Variants in CFAP95 observed in about 807,000 individuals in gnomAD.
CFAP95 encodes the protein cilia and flagella associated protein 95, also known as cilia- and flagella-associated protein 95.
At chr9:69,821,066 G>T in the CFAP95 span, 1 of 1,604,512 alleles carries the variant, frequency 6.2e-7, no homozygotes. Context: ...CCCGGGTGCT[G>T]CGGGGAGGAA....
At chr9:69,833,693 A>G in the CFAP95 span, among the ~76,000 whole-genome samples, 1 of 152,074 alleles carries the variant, frequency 6.6e-6, no homozygotes, top group Non-Finnish European at 1.5e-5. Flanking sequence ...GCCCTTGTAC[A>G]TGTTATAATC....
the CFAP95 span, among the ~76,000 whole-genome samples, chr9:69,874,035 G>A: frequency 6.6e-6 from 1 of 152,108 alleles, no homozygotes; most frequent in African/African-American, 2.4e-5. Context: ...ACAAAAGAGG[G>A]CACGTGTAGC....
the CFAP95 span, among the ~76,000 whole-genome samples, chr9:69,873,127 G>A: frequency 2.0e-5 from 3 of 152,126 alleles, no homozygotes; most frequent in Non-Finnish European, 4.4e-5. Context: ...CAATCAGTAG[G>A]TCTTCCTACA....
At chr9:69,834,960 T>C in the CFAP95 span, among the ~76,000 whole-genome samples, 1 of 152,264 alleles carries the variant, frequency 6.6e-6, no homozygotes, top group Admixed American at 6.5e-5. Context: ...CAAATAACAC[T>C]GCCTTGGCAT....
the CFAP95 span, among the ~76,000 whole-genome samples, chr9:69,854,516 T>G: frequency 6.6e-6 from 1 of 152,254 alleles, no homozygotes; most frequent in Non-Finnish European, 1.5e-5. Context: ...TCTAGCTGAT[T>G]TGCCTGGGCA....
the CFAP95 span, among the ~76,000 whole-genome samples, chr9:69,840,116 A>G: frequency 1.3e-5 from 2 of 151,494 alleles, no homozygotes; most frequent in Non-Finnish European, 2.9e-5. Context: ...CTTACTGGGG[A>G]CTGTAGTTGA....
At chr9:69,846,087 T>C in the CFAP95 span, among the ~76,000 whole-genome samples, 16 of 152,326 alleles carry the variant, frequency 1.1e-4, no homozygotes, top group South Asian at 3.1e-3. Flanking sequence ...ACTTAGAGAC[T>C]TTGGTCCTTA....
chr9:69,866,085 A>G, the CFAP95 span, among the ~76,000 whole-genome samples: 3 of 152,310 alleles, frequency 2.0e-5, no homozygotes, highest in Admixed American at 6.5e-5. Flanking sequence ...GCTTCTCTCA[A>G]TAATAGGCCA....
the CFAP95 span, among the ~76,000 whole-genome samples, chr9:69,826,669 T>C: frequency 3.9e-5 from 6 of 152,200 alleles, no homozygotes; most frequent in African/African-American, 9.7e-5. Context: ...AGTTTGGTTA[T>C]GTGGTTTCCA....
the CFAP95 span, among the ~76,000 whole-genome samples, chr9:69,839,893 T>C: frequency 6.6e-6 from 1 of 150,878 alleles, no homozygotes; most frequent in African/African-American, 2.4e-5. Context: ...CTGGCCAACA[T>C]GGTGAAACCC....
At chr9:69,885,406 G>A in the CFAP95 span, among the ~76,000 whole-genome samples, 5 of 152,108 alleles carry the variant, frequency 3.3e-5, no homozygotes, top group Non-Finnish European at 7.3e-5. Flanking sequence ...TGATAGCTGA[G>A]GTTTCTCTGG....
At chr9:69,875,655 C>T in the CFAP95 span, among the ~76,000 whole-genome samples, 1 of 152,124 alleles carries the variant, frequency 6.6e-6, no homozygotes, top group Non-Finnish European at 1.5e-5. Context: ...TGAGTCATAA[C>T]TTTGAGTAGG....
chr9:69,893,277 A>T, the CFAP95 span, among the ~76,000 whole-genome samples: 2 of 152,152 alleles, frequency 1.3e-5, no homozygotes, highest in African/African-American at 4.8e-5. Context: ...TAAGCAAGCC[A>T]CCCCTTCATG....
chr9:69,893,381 G>A, the CFAP95 span, among the ~76,000 whole-genome samples: 4 of 152,334 alleles, frequency 2.6e-5, no homozygotes, highest in South Asian at 8.3e-4. Context: ...AGAATGGCTT[G>A]CTGAAAAACA....
At chr9:69,880,109 C>T in the CFAP95 span, among the ~76,000 whole-genome samples, 4 of 152,124 alleles carry the variant, frequency 2.6e-5, no homozygotes, top group Admixed American at 2.6e-4. Context: ...GGGTATCCAT[C>T]CTCTCAAGCA....
the CFAP95 span, among the ~76,000 whole-genome samples, chr9:69,822,751 T>C: frequency 1.3e-5 from 2 of 152,190 alleles, no homozygotes; most frequent in African/African-American, 4.8e-5. Context: ...GTGAGGAACC[T>C]GGTGAGGAGA....
chr9:69,900,131 C>T, the CFAP95 span, among the ~76,000 whole-genome samples: 2 of 151,858 alleles, frequency 1.3e-5, no homozygotes, highest in South Asian at 2.1e-4. Context: ...AATTGAGGAG[C>T]GTCTGTATAT....
the CFAP95 span, among the ~76,000 whole-genome samples, chr9:69,864,114 A>C: frequency 6.6e-6 from 1 of 152,164 alleles, no homozygotes; most frequent in Non-Finnish European, 1.5e-5. Flanking sequence ...GTCAGCCCTC[A>C]CTACTGCACC....
chr9:69,878,329 CTTG>C, the CFAP95 span, among the ~76,000 whole-genome samples: 4 of 152,168 alleles, frequency 2.6e-5, no homozygotes, highest in East Asian at 1.9e-4. Context: ...TGGTCTTAGA[CTTG>C]TTCTTACGAT....
Sources: allele counts gnomAD v4.1 joint callset (sites outside exome capture counted in the v4.1 genomes callset), GRCh38; gene constraint gnomAD v4.1.1; transcripts MANE v1.5; gene names NCBI Gene and HGNC (gene_info 2026-07-23, HGNC 2026-07-21).